Variants in LRP1 observed in about 807,000 individuals in gnomAD.
LRP1 encodes prolow-density lipoprotein receptor-related protein 1.
Under a neutral mutation model 541.5 loss-of-function variants are expected in LRP1, and 51 were observed. The observed-to-expected ratio is 0.09, with a 90% CI of 0.08 to 0.12. The LOEUF (loss-of-function observed/expected upper bound fraction) is 0.12, where lower values mean the gene tolerates loss of function less well. LRP1 is among the 10% of genes least tolerant of loss of function. The pLI is 1.00. For synonymous variants in LRP1, 2,219 were observed against 2,470.8 expected (o/e 0.90, Z 3.02); for missense variants, 3,878 against 6,376.2 (o/e 0.61, Z 13.34).
chr12:57,156,325 C>G lies in LRP1; in HGVS notation c.1417+42C>G, dbSNP rs774677809. ...GGCCCCTCCAAAGCTGGCTTTACCC[C>G]ATGATGGCTCTGGGACCTTGGGATC... On this transcript the variant is annotated intron_variant, in intron 9 of 88. Transcript: ENST00000243077. This position sits in a 1 kb window ranked among gnomAD's most constrained non-coding sequence, Gnocchi z 5.2. 5.6e-6 allele frequency: 9 copies of G among 1,596,102 alleles called. No individual in the cohort carries two copies. The African/African-American group carries it at 1.2e-4, about 21-fold the overall frequency.
At chr12:57,191,083 C>T in intron 43 of LRP1, 74 bp downstream of exon 43, 7 of 1,460,000 alleles carry the variant, frequency 4.8e-6, no homozygotes, top group South Asian at 2.4e-5. Flanking sequence ...TCAACCAAGA[C>T]CGTCCAGGCA....
In LRP1 at chr12:57,205,348, C is replaced by T. The variant is rs374196195; in HGVS notation, c.11336-3C>T. On this transcript the variant is annotated splice_region_variant and splice_polypyrimidine_tract_variant and intron_variant, in intron 73 of 88. Transcript: ENST00000243077. This position sits in a 1 kb window ranked among gnomAD's most constrained non-coding sequence, Gnocchi z 4.6. The stretch of plus-strand genomic sequence containing the variant: ...GAGGGCATCCACTCTCTGTCCCCCA[C>T]AGACCCCAAGCTGACCAGCTGCGCC... 7 of 1,601,760 alleles carry T rather than the reference C, an allele frequency of 4.4e-6. No individual in the cohort carries two copies. In the African/African-American group the frequency reaches 9.4e-5, roughly 21 times the overall value.
Position 57,185,662 on chromosome 12 carries a change from G to T in LRP1, c.6595G>T (p.Gly2199Cys). 1 of 1,613,550 alleles carries T rather than the reference G, an allele frequency of 6.2e-7. No homozygotes were observed. The highest frequency in any genetic ancestry group is 8.5e-7 in the Non-Finnish European group (1 of 1,179,980). Residue 2199 changes from glycine (G) to cysteine (C), a missense_variant, in exon 41 of 89, where the codon GGC (glycine) becomes TGC (cysteine). By Grantham distance (159) the Gly-to-Cys change is radical. Coordinates refer to ENST00000243077, the MANE Select transcript of LRP1 (RefSeq NM_002332.3). The surrounding 1 kb of genome is among the most constrained non-coding windows in gnomAD (Gnocchi z 4.9). ...EDGASCREYA[G>C]YLLYSERTIL... The stretch of plus-strand genomic sequence containing the variant: ...CGGAGCATCGTGCCGCGAGTATGCC[G>T]GCTACCTGCTCTACTCAGAGCGCAC...
At chr12:57,138,328 T>A in intron 1 of LRP1, 131 bp from the exon 2 acceptor site, 1 of 1,104,354 alleles carries the variant, frequency 9.1e-7, no homozygotes. Flanking sequence ...CCCAGGCACA[T>A]AGACCATGGC....
In LRP1 at chr12:57,184,698, G is replaced by A; in HGVS notation, c.6187-141G>A. On this transcript the variant is annotated intron_variant, in intron 38 of 88. Transcript: ENST00000243077. The surrounding 1 kb of genome is among the most constrained non-coding windows in gnomAD (Gnocchi z 7.8). ...ACCTTATCAGCAGGGCAGTGGGCAGGAGTGTATGCAGGAGGCAGGAGTGAG... is the reference window on the plus strand; with the variant it reads ...ACCTTATCAGCAGGGCAGTGGGCAGAAGTGTATGCAGGAGGCAGGAGTGAG... 2 of 1,001,862 alleles carry A rather than the reference G, an allele frequency of 2.0e-6. No homozygotes were observed. Among genetic ancestry groups the A allele is most frequent in the Non-Finnish European group, 2.9e-6 (2 of 686,666 alleles). 62.1% of individuals were successfully genotyped at this position (1,001,862 alleles called of 1,614,324 possible). A position where few individuals can be genotyped will look rare whatever the true frequency, so the allele number is the denominator to read the frequency against.
chr12:57,153,964 G>T (rs952050009), intron 6 of LRP1, among the ~76,000 whole-genome samples: 1 of 151,844 alleles, frequency 6.6e-6, no homozygotes, highest in Non-Finnish European at 1.5e-5. Flanking sequence ...TCTACCTTTT[G>T]GTGCCCCAAG....
chr12:57,129,460 C>T (rs966704503), intron 1 of LRP1, among the ~76,000 whole-genome samples: 6 of 152,050 alleles, frequency 3.9e-5, no homozygotes, highest in Non-Finnish European at 5.9e-5. Flanking sequence ...GGCTTTTGCA[C>T]TGGCCTCTGT....
At chr12:57,194,278 C>A in intron 48 of LRP1, 76 bp from the exon 49 acceptor site, 12 of 1,470,142 alleles carry the variant, frequency 8.2e-6, no homozygotes, top group Non-Finnish European at 1.1e-5. Context: ...ATGAAGGCTC[C>A]ATAGGGCTGG....
chr12:57,149,653 G>T, intron 6 of LRP1: 2 of 722,886 alleles, frequency 2.8e-6, no homozygotes, highest in African/African-American at 1.7e-5. Context: ...GAAGGTAGCA[G>T]GACATAACCA....
chr12:57,210,728 G>A lies in LRP1; in HGVS notation c.12765G>A (p.Thr4255=). ...TCAASPSGMP[T]CRCPTGFTGP... ...ATCCTCTCCCACCAGGCATGCCCAC[G>A]TGCCGGTGCCCCACGGGCTTCACGG... The change falls in exon 83 of 89, where the codon ACG becomes ACA. Residue 4255 remains threonine (T), a synonymous_variant. Transcript: ENST00000243077. 4.4e-6 allele frequency: 7 copies of A among 1,608,944 alleles called. No homozygotes were observed. The highest frequency in any genetic ancestry group is 1.3e-5 in the African/African-American group (1 of 74,968).
chr12:57,158,727 C>A lies in LRP1; in HGVS notation c.1798+89C>A. 1 of 1,171,602 alleles carries A rather than the reference C, an allele frequency of 8.5e-7. No homozygotes were observed. The highest frequency in any genetic ancestry group is 1.2e-6 in the Non-Finnish European group (1 of 801,794). The allele number at this position is 1,171,602 out of a possible 1,614,324, so 72.6% of individuals were successfully genotyped here. On this transcript the variant is annotated intron_variant, in intron 11 of 88. Transcript: ENST00000243077. This position sits in a 1 kb window ranked among gnomAD's most constrained non-coding sequence, Gnocchi z 5.3. ...CTCGGTGCCCTCTCAGCAGGATGGT[C>A]CCCTGCTGACTGGCTGGCTGCACTG...
At chr12:57,199,793 C>A (rs957779749) in intron 61 of LRP1, 84 bp from the exon 62 acceptor site, 1 of 1,455,650 alleles carries the variant, frequency 6.9e-7, no homozygotes, top group East Asian at 2.4e-5. Flanking sequence ...CAGACCCACC[C>A]GCCTCTGTCC....
Position 57,206,470 on chromosome 12 carries a change from C to T in LRP1, c.11591-3C>T, listed in dbSNP as rs1216319479. 1.9e-6 allele frequency: 3 copies of T among 1,613,556 alleles called. No individual in the cohort carries two copies. The highest frequency in any genetic ancestry group is 2.5e-6 in the Non-Finnish European group (3 of 1,179,752). On this transcript the variant is annotated splice_region_variant and splice_polypyrimidine_tract_variant and intron_variant, in intron 75 of 88. Coordinates refer to ENST00000243077, the MANE Select transcript of LRP1 (RefSeq NM_002332.3). This position sits in a 1 kb window ranked among gnomAD's most constrained non-coding sequence, Gnocchi z 4.7. Reference sequence around the variant, plus strand: ...CCCCAGCCCTGGCCTCTTGCTTCTCCAGGCTCTGAGTACCAGGTCCTGTAC... The same window carrying T: ...CCCCAGCCCTGGCCTCTTGCTTCTCTAGGCTCTGAGTACCAGGTCCTGTAC...
intron 1 of LRP1, 77 bp from the exon 2 acceptor site, chr12:57,138,382 G>A (rs2035217272): frequency 6.6e-7 from 1 of 1,522,426 alleles, no homozygotes; most frequent in South Asian, 1.2e-5. Context: ...GGAAGGAAGA[G>A]CAGTACTAGG....
At position 57,175,122 on chromosome 12, in the gene LRP1, C is replaced by G. The variant is rs374378383; in HGVS notation, c.3548-338C>G. On this transcript the variant is annotated intron_variant, in intron 22 of 88. Transcript: ENST00000243077. ...TGGACCTAAGGACCTCCCAGGGTCC[C>G]TCCCAGGGAGGCAAAAAGCTGGGGC... Among the ~76,000 whole-genome samples, 22 of 152,246 alleles carry G rather than the reference C, an allele frequency of 1.4e-4. No homozygotes were observed. The East Asian group carries it at 2.3e-3, about 16-fold the overall frequency.
In LRP1 at chr12:57,154,497, C is replaced by A. The variant is rs746150008; in HGVS notation, c.1023C>A (p.Asp341Glu). 6.2e-7 allele frequency: 1 copy of A among 1,614,172 alleles called. No homozygotes were observed. Among genetic ancestry groups the A allele is most frequent in the Admixed American group, 1.7e-5 (1 of 60,028 alleles). The change falls in exon 8 of 89, where the codon GAC becomes GAA. Residue 341 changes from aspartate (D) to glutamate (E), a missense_variant. This residue lies in a region of LRP1 where 496 missense variants were observed against 861.0 expected (regional missense o/e 0.58). Transcript: ENST00000243077. The surrounding 1 kb of genome is among the most constrained non-coding windows in gnomAD (Gnocchi z 4.6). ...DPAMGKVFFT[D>E]YGQIPKVERC... ...CCCACAGGAAGGTGTTTTTCACTGA[C>A]TATGGGCAGATCCCAAAGGTGGAAC... is the stretch of plus-strand genomic sequence containing the variant.
chr12:57,129,986 A>G (rs1343362344), intron 1 of LRP1, among the ~76,000 whole-genome samples: 1 of 152,158 alleles, frequency 6.6e-6, no homozygotes, highest in Non-Finnish European at 1.5e-5. Flanking sequence ...TGTATATTGC[A>G]GAGTTAGGCT....
chr12:57,199,776 C>A, intron 61 of LRP1, 101 bp from the exon 62 acceptor site: 3 of 1,380,610 alleles, frequency 2.2e-6, no homozygotes, highest in Non-Finnish European at 2.9e-6. Context: ...CTAAAAGAGG[C>A]AGGGTTCAGA....
rs753559627 is a variant in LRP1 at position 57,158,456 on chromosome 12, G to A, written c.1616G>A (p.Arg539Gln). The A allele has an allele frequency of 3.7e-6, 6 of 1,614,060 alleles. No homozygotes were observed. The highest frequency in any genetic ancestry group is 3.4e-6 in the Non-Finnish European group (4 of 1,179,920). Residue 539 changes from arginine (R) to glutamine (Q), a missense_variant, in exon 11 of 89, where the codon CGG (arginine) becomes CAG (glutamine). Arg to Gln is a conservative substitution (Grantham distance 43). Coordinates refer to ENST00000243077, the MANE Select transcript of LRP1 (RefSeq NM_002332.3). This position sits in a 1 kb window ranked among gnomAD's most constrained non-coding sequence, Gnocchi z 5.3. ...GGCAAGGGCCGGCCAGGCATCATCC[G>A]GGGCATGGATATGGGGGCCAAGGTC... ...VYGKGRPGII[R>Q]GMDMGAKVPD...
Sources: allele counts gnomAD v4.1 joint callset (sites outside exome capture counted in the v4.1 genomes callset), GRCh38; gene constraint gnomAD v4.1.1; regional missense constraint gnomAD v4.1.1; non-coding constraint Gnocchi (gnomAD v3.1); transcripts MANE v1.5; gene names NCBI Gene and HGNC (gene_info 2026-07-23, HGNC 2026-07-21).